BRINP3: variants seen among roughly 807,000 people sequenced by gnomAD.
BRINP3 encodes BMP/retinoic acid inducible neural specific 3.
BRINP3 carries 19 observed loss-of-function variants against 71.0 expected under a neutral mutation model. That is an observed-to-expected ratio of 0.27 (90% CI 0.19 to 0.39). The LOEUF is 0.39. Among genes scored for constraint, BRINP3 ranks in the 10% least tolerant of loss-of-function variants. The pLI, the probability that BRINP3 is intolerant of heterozygous loss-of-function variation, is 1.00. For missense variants in BRINP3, 959 were observed against 940.8 expected, an observed-to-expected ratio of 1.02 and a Z score of -0.25; for synonymous variants, 380 against 337.7, an observed-to-expected ratio of 1.13 and a Z score of -1.37.
At chr1:190,429,763 G>A (rs993133389) in intron 2 of BRINP3, among the ~76,000 whole-genome samples, 6 of 151,722 alleles carry the variant, frequency 4.0e-5, no homozygotes, top group Admixed American at 3.9e-4. Flanking sequence ...GCTGATTTTT[G>A]TATTTTTAGT....
chr1:190,119,281 T>A (rs896789579), intron 7 of BRINP3, among the ~76,000 whole-genome samples: 1 of 151,776 alleles, frequency 6.6e-6, no homozygotes, highest in Admixed American at 6.6e-5. Context: ...ATTTTATTAT[T>A]ATTATTATTA....
chr1:190,115,787 C>T (rs1445812344), intron 7 of BRINP3, among the ~76,000 whole-genome samples: 1 of 152,086 alleles, frequency 6.6e-6, no homozygotes, highest in Non-Finnish European at 1.5e-5. Flanking sequence ...CTTATTGCAG[C>T]TCTACCATGT....
chr1:190,328,722 A>G (rs1373135183), intron 2 of BRINP3, among the ~76,000 whole-genome samples: 6 of 95,712 alleles, frequency 6.3e-5, no homozygotes, highest in Admixed American at 2.4e-4. Context: ...GACAATGAAG[A>G]AAAAAAAAAA....
chr1:190,100,594 G>C (rs1651618114), intron 7 of BRINP3, among the ~76,000 whole-genome samples: 1 of 152,048 alleles, frequency 6.6e-6, no homozygotes, highest in South Asian at 2.1e-4. Flanking sequence ...TAATACACTT[G>C]GAAAATCCTA....
chr1:190,137,163 A>C (rs910249625), intron 7 of BRINP3, among the ~76,000 whole-genome samples: 1 of 151,938 alleles, frequency 6.6e-6, no homozygotes, highest in African/African-American at 2.4e-5. Context: ...TAATCTCTAG[A>C]CTCCACTGAA....
intron 6 of BRINP3, among the ~76,000 whole-genome samples, chr1:190,197,639 T>A (rs749153986): frequency 1.1e-4 from 17 of 152,188 alleles, no homozygotes; most frequent in Non-Finnish European, 1.8e-4. Flanking sequence ...TGGCTCCATG[T>A]CTCACATCCA....
intron 1 of BRINP3, among the ~76,000 whole-genome samples, chr1:190,466,761 C>A (rs533932929): frequency 6.6e-6 from 1 of 151,562 alleles, no homozygotes; most frequent in East Asian, 1.9e-4. Flanking sequence ...ACTAATATCT[C>A]TGTGGCACCA....
chr1:190,428,131 G>C (rs1385436227), intron 2 of BRINP3, among the ~76,000 whole-genome samples: 1 of 151,512 alleles, frequency 6.6e-6, no homozygotes, highest in African/African-American at 2.4e-5. Flanking sequence ...AAAAACATAA[G>C]AATAGTTTTT....
intron 7 of BRINP3, among the ~76,000 whole-genome samples, chr1:190,140,388 T>C (rs1394331394): frequency 6.6e-6 from 1 of 152,130 alleles, no homozygotes; most frequent in Non-Finnish European, 1.5e-5. Flanking sequence ...TATTATTATA[T>C]GTTTATTAAA....
intron 7 of BRINP3, among the ~76,000 whole-genome samples, chr1:190,114,554 G>A (rs909801758): frequency 6.6e-6 from 1 of 151,884 alleles, no homozygotes; most frequent in African/African-American, 2.4e-5. Context: ...GTGTGTGTGT[G>A]TGTGTGTGCA....
rs769302650 is a variant in BRINP3, at chr1:190,097,817, A to T, written c.*201T>A. On this transcript the variant is annotated 3_prime_UTR_variant, in exon 8 of 8. Coordinates refer to ENST00000367462, the MANE Select transcript of BRINP3 (RefSeq NM_199051.3). ...GTCTTCTAGACTGGTGTCAGTATTT[A>T]TGTCATTCATAAACCAAAACTGCTG... 1.8e-6 allele frequency: 1 copy of T among 555,928 alleles called. No homozygotes were observed. Among genetic ancestry groups the T allele is most frequent in the Non-Finnish European group, 3.1e-6 (1 of 318,000 alleles). 34.4% of individuals were successfully genotyped at this position (555,928 alleles called of 1,614,324 possible).
chr1:190,470,640 A>G lies in BRINP3; in HGVS notation c.-51+6808T>C, dbSNP rs377530760. 5.9e-5 allele frequency among the ~76,000 whole-genome samples: 9 copies of G among 151,340 alleles called. No homozygotes were observed. In the East Asian group the frequency reaches 9.7e-4, roughly 16 times the overall value. ...AAATTATGAATAGTGATTATTGAAA[A>G]TAACAATGAAATAGAAGAATGAGAA... On this transcript the variant is annotated intron_variant, in intron 1 of 7. Coordinates refer to ENST00000367462, the MANE Select transcript of BRINP3 (RefSeq NM_199051.3).
chr1:190,196,688 T>C (rs905357571), intron 6 of BRINP3, among the ~76,000 whole-genome samples: 1 of 151,976 alleles, frequency 6.6e-6, no homozygotes, highest in Non-Finnish European at 1.5e-5. Flanking sequence ...GTTCTGAATA[T>C]ATGTAACTCT....
intron 2 of BRINP3, among the ~76,000 whole-genome samples, chr1:190,384,637 C>T (rs1032310035): frequency 1.3e-5 from 2 of 151,850 alleles, no homozygotes; most frequent in Non-Finnish European, 2.9e-5. Flanking sequence ...TACAGTCTTA[C>T]TTTATTTGTA....
intron 2 of BRINP3, among the ~76,000 whole-genome samples, chr1:190,393,111 T>G (rs541752305): frequency 6.6e-6 from 1 of 151,748 alleles, no homozygotes; most frequent in Admixed American, 6.6e-5. Flanking sequence ...TTTGTTGTAT[T>G]TCTAATATTT....
chr1:190,157,733 T>C (rs1656991342), intron 7 of BRINP3, among the ~76,000 whole-genome samples: 1 of 152,062 alleles, frequency 6.6e-6, no homozygotes, highest in African/African-American at 2.4e-5. Flanking sequence ...ACATATTAAA[T>C]ATCTTATTTG....
In BRINP3 at chr1:190,237,340, C is replaced by A. The variant is rs368381277; in HGVS notation, c.619-2863G>T. Among the ~76,000 whole-genome samples, 10 of 151,490 alleles carry A rather than the reference C, an allele frequency of 6.6e-5. No homozygotes were observed. The East Asian group carries it at 9.7e-4, about 15-fold the overall frequency. ...CCATTTAAGGCCTCCATATTCCTTA[C>A]TAATGTCAGCATTAGTAAATGTGCT... On this transcript the variant is annotated intron_variant, in intron 4 of 7. Coordinates refer to ENST00000367462, the MANE Select transcript of BRINP3 (RefSeq NM_199051.3).
intron 6 of BRINP3, among the ~76,000 whole-genome samples, chr1:190,193,141 G>C (rs532771089): frequency 1.0e-3 from 159 of 152,076 alleles, no homozygotes; most frequent in Non-Finnish European, 2.0e-3. Context: ...AAAATCCTGA[G>C]TGGAATGGTT....
At chr1:190,207,523 G>A (rs1274972849) in intron 6 of BRINP3, among the ~76,000 whole-genome samples, 1 of 152,024 alleles carries the variant, frequency 6.6e-6, no homozygotes, top group East Asian at 1.9e-4. Context: ...GATCATACTA[G>A]CAACATAACA....
Sources: gnomAD v4.1 joint callset for allele counts (sites outside exome capture counted in the v4.1 genomes callset) on GRCh38, gnomAD v4.1.1 for gene constraint, MANE v1.5 for transcripts, NCBI Gene and HGNC (gene_info 2026-07-23, HGNC 2026-07-21) for gene names.